Variants in FAM107B observed in about 807,000 individuals in gnomAD.
The protein encoded by FAM107B is protein FAM107B.
A neutral mutation model predicts 31.5 loss-of-function variants in FAM107B; 21 were observed. The ratio of observed to expected loss-of-function variants is 0.67; its 90% CI spans 0.47 to 0.96. FAM107B has a LOEUF of 0.96. Among genes scored for constraint, FAM107B ranks in the 40% least tolerant of loss-of-function variants. The pLI is 0.00. For synonymous variants in FAM107B, 157 were observed against 141.5 expected (o/e 1.11, Z -0.78); for missense variants, 452 against 377.1 (o/e 1.20, Z -1.64).
intron 2 of FAM107B, among the ~76,000 whole-genome samples, chr10:14,531,173 C>T (rs1846948718): frequency 6.6e-6 from 1 of 152,188 alleles, no homozygotes; most frequent in African/African-American, 2.4e-5. Flanking sequence ...AGGACTGAAA[C>T]CGCTGCTTCA....
At chr10:14,655,523 G>A (rs962500584) in intron 2 of FAM107B, among the ~76,000 whole-genome samples, 8 of 152,182 alleles carry the variant, frequency 5.3e-5, no homozygotes, top group African/African-American at 1.7e-4. Flanking sequence ...AGGTTCAAGC[G>A]ATTCTCCTGC....
chr10:14,633,574 A>C (rs1291478350), intron 2 of FAM107B, among the ~76,000 whole-genome samples: 1 of 152,220 alleles, frequency 6.6e-6, no homozygotes, highest in African/African-American at 2.4e-5. Flanking sequence ...GATGAATGAA[A>C]GCATAATATA....
intron 1 of FAM107B, among the ~76,000 whole-genome samples, chr10:14,770,780 T>G (rs1042466580): frequency 3.3e-5 from 5 of 152,092 alleles, no homozygotes; most frequent in African/African-American, 1.2e-4. Context: ...AATACAGACA[T>G]GTGCGCTCAT....
intron 2 of FAM107B, among the ~76,000 whole-genome samples, chr10:14,532,413 T>C (rs1588494003): frequency 6.6e-6 from 1 of 152,208 alleles, no homozygotes; most frequent in Non-Finnish European, 1.5e-5. Flanking sequence ...TGAAAAATAA[T>C]GTAGCTGCAA....
At chr10:14,532,725 C>G (rs1415638329) in intron 2 of FAM107B, 1 of 152,240 alleles carries the variant, frequency 6.6e-6, no homozygotes, top group Non-Finnish European at 1.5e-5. Context: ...GAAAAATCAA[C>G]TGCAGTTTCC....
At chr10:14,703,462 A>G (rs548574728) in intron 1 of FAM107B, among the ~76,000 whole-genome samples, 47 of 151,940 alleles carry the variant, frequency 3.1e-4, no homozygotes, top group Admixed American at 5.2e-4. Context: ...CAGCCTCCCA[A>G]GTAGCTGGGA....
intron 1 of FAM107B, among the ~76,000 whole-genome samples, chr10:14,703,814 C>G (rs931708388): frequency 1.3e-5 from 2 of 152,296 alleles, no homozygotes; most frequent in Middle Eastern, 3.4e-3. Flanking sequence ...AATGCTGTCT[C>G]GATTTTTTTA....
At chr10:14,616,653 T>C (rs1852858694) in intron 2 of FAM107B, among the ~76,000 whole-genome samples, 1 of 152,214 alleles carries the variant, frequency 6.6e-6, no homozygotes, top group Non-Finnish European at 1.5e-5. Context: ...CTGGACTCAG[T>C]GGCTTATGCC....
At chr10:14,680,915 A>C (rs1774206162) in intron 1 of FAM107B, among the ~76,000 whole-genome samples, 1 of 151,998 alleles carries the variant, frequency 6.6e-6, no homozygotes. Flanking sequence ...TCCCTAATCA[A>C]CATTATACCT....
chr10:14,706,610 T>C (rs1184429866), intron 1 of FAM107B, among the ~76,000 whole-genome samples: 6 of 152,220 alleles, frequency 3.9e-5, no homozygotes, highest in African/African-American at 1.4e-4. Context: ...TAAATATATA[T>C]AGCTTTTCCC....
At chr10:14,660,707 C>T (rs1854211794) in intron 2 of FAM107B, among the ~76,000 whole-genome samples, 2 of 152,186 alleles carry the variant, frequency 1.3e-5, no homozygotes. Flanking sequence ...GTGCATGGTG[C>T]TTGGCTTATT....
At chr10:14,675,924 A>G (rs1854671689) in intron 1 of FAM107B, among the ~76,000 whole-genome samples, 1 of 152,182 alleles carries the variant, frequency 6.6e-6, no homozygotes. Flanking sequence ...TTGGGAGGCC[A>G]AGGTAAGAGG....
chr10:14,635,564 A>G (rs1853476247), intron 2 of FAM107B, among the ~76,000 whole-genome samples: 1 of 152,154 alleles, frequency 6.6e-6, no homozygotes, highest in Admixed American at 6.5e-5. Flanking sequence ...TCAGTTGCAC[A>G]CACAGTTAGT....
intron 1 of FAM107B, among the ~76,000 whole-genome samples, chr10:14,697,678 T>C (rs1253977834): frequency 6.6e-6 from 1 of 152,260 alleles, no homozygotes; most frequent in Admixed American, 6.5e-5. Context: ...TGCTCAGACC[T>C]ATACAGCTGC....
chr10:14,582,659 G>C (rs1264317160), intron 2 of FAM107B, among the ~76,000 whole-genome samples: 1 of 151,756 alleles, frequency 6.6e-6, no homozygotes, highest in Non-Finnish European at 1.5e-5. Flanking sequence ...TTACAGGCGT[G>C]AGCCACCACA....
chr10:14,555,927 T>A (rs113350229), intron 2 of FAM107B: 1,653 of 79,404 alleles, frequency 0.021, 30 homozygotes, highest in African/African-American at 0.059. Context: ...ACACACACAC[T>A]GGGCAGTGCA....
chr10:14,548,761 G>T, intron 2 of FAM107B: 1 of 586,036 alleles, frequency 1.7e-6, no homozygotes, highest in Non-Finnish European at 2.2e-6. Context: ...ATCCAGCAGG[G>T]AAGAGGGGAT....
rs745586649 is a variant in FAM107B at position 14,521,159 on chromosome 10, G to A, written c.*31C>T. 23 of 1,557,942 alleles carry A rather than the reference G, an allele frequency of 1.5e-5. No individual in the cohort carries two copies. The Admixed American group carries it at 3.9e-4, about 26-fold the overall frequency. On this transcript the variant is annotated 3_prime_UTR_variant, in exon 5 of 5. Coordinates refer to ENST00000181796, the MANE Select transcript of FAM107B (RefSeq NM_031453.4). ...AGGCACCCACAGACAGCTCTGTGGG[G>A]TGACACACGAGGTCTTGGTGCAGCC...
Position 14,774,395 on chromosome 10 carries a change from T to C in FAM107B, c.269A>G (p.Asn90Ser), listed in dbSNP as rs781638206. Residue 90 changes from asparagine to serine, a missense_variant, in exon 1 of 5, where the codon AAT (asparagine) becomes AGT (serine). By Grantham distance (46) the Asn-to-Ser change is conservative. Transcript: ENST00000181796. ...CGCAGTGCGGTGACTTGAATTCCGA[T>C]TCGCACTGCCATTTCTCTCTGCATG... is the stretch of plus-strand genomic sequence containing the variant. Reference protein sequence around the residue: ...STHAERNGSANRNSSHRTAAQ... With the variant: ...STHAERNGSASRNSSHRTAAQ... 12 of 1,614,116 alleles carry C rather than the reference T, an allele frequency of 7.4e-6. No homozygotes were observed. Among genetic ancestry groups the C allele is most frequent in the Non-Finnish European group, 1.0e-5 (12 of 1,180,052 alleles).
Sources: gnomAD v4.1 joint callset for allele counts (sites outside exome capture counted in the v4.1 genomes callset) on GRCh38, gnomAD v4.1.1 for gene constraint, MANE v1.5 for transcripts, NCBI Gene and HGNC (gene_info 2026-07-23, HGNC 2026-07-21) for gene names.